Variants in UBE2H observed in about 807,000 individuals in gnomAD.
UBE2H encodes ubiquitin conjugating enzyme E2 H.
UBE2H carries 3 observed loss-of-function variants against 29.0 expected under a neutral mutation model. The ratio of observed to expected loss-of-function variants is 0.10; its 90% CI spans 0.05 to 0.27. The LOEUF is 0.27. Among genes scored for constraint, UBE2H ranks in the 10% least tolerant of loss-of-function variants. UBE2H has a pLI of 1.00. For missense variants in UBE2H, 68 were observed against 228.2 expected (o/e 0.30, Z 4.52); for synonymous variants, 69 against 82.9 (o/e 0.83, Z 0.91).
rs961276780 is a variant in UBE2H at position 129,887,423 on chromosome 7, T to C, written c.54-6452A>G. Among the ~76,000 whole-genome samples the C allele has an allele frequency of 8.6e-5, 13 of 151,964 alleles. No individual in the cohort carries two copies. The East Asian group carries it at 2.5e-3, about 30-fold the overall frequency. Reference sequence around the variant, plus strand: ...TTTTAGTAGAGACGGGGTTTCACCATGTTGGTCAAGCTGGTCTTGAATTCC... The same window carrying C: ...TTTTAGTAGAGACGGGGTTTCACCACGTTGGTCAAGCTGGTCTTGAATTCC... On this transcript the variant is annotated intron_variant, in intron 1 of 6. Coordinates refer to ENST00000355621, the MANE Select transcript of UBE2H (RefSeq NM_003344.4).
intron 1 of UBE2H, among the ~76,000 whole-genome samples, chr7:129,904,727 G>A (rs1056274314): frequency 2.6e-5 from 4 of 152,164 alleles, no homozygotes; most frequent in Non-Finnish European, 5.9e-5. Flanking sequence ...CAGGCACTAC[G>A]CTAGACAGTA....
At chr7:129,905,516 T>C (rs551821462) in intron 1 of UBE2H, among the ~76,000 whole-genome samples, 1 of 152,324 alleles carries the variant, frequency 6.6e-6, no homozygotes, top group East Asian at 1.9e-4. Flanking sequence ...GTTCATCTGA[T>C]GCCATGGAAG....
chr7:129,935,807 T>C (rs1363077267), intron 1 of UBE2H, among the ~76,000 whole-genome samples: 1 of 152,176 alleles, frequency 6.6e-6, no homozygotes, highest in African/African-American at 2.4e-5. Context: ...AGTAGTATCC[T>C]CTCAACTTTC....
At chr7:129,920,084 G>T (rs1807125867) in intron 1 of UBE2H, among the ~76,000 whole-genome samples, 1 of 152,096 alleles carries the variant, frequency 6.6e-6, no homozygotes, top group South Asian at 2.1e-4. Flanking sequence ...GTCAAATATT[G>T]TCCTGATCAG....
At chr7:129,886,778 A>ATTTTTTTGGT (rs1342848864) in intron 1 of UBE2H, among the ~76,000 whole-genome samples, 1 of 150,202 alleles carries the variant, frequency 6.7e-6, no homozygotes, top group Non-Finnish European at 1.5e-5. Context: ...AAAAAAAAAA[A>ATTTTTTTGGT]AAAAAAAAAA....
intron 1 of UBE2H, among the ~76,000 whole-genome samples, chr7:129,889,175 C>A (rs1229180469): frequency 6.6e-6 from 1 of 152,184 alleles, no homozygotes; most frequent in African/African-American, 2.4e-5. Context: ...AACAGTATTC[C>A]ATGCACAGTG....
At chr7:129,937,314 G>C (rs1365754756) in intron 1 of UBE2H, among the ~76,000 whole-genome samples, 2 of 152,102 alleles carry the variant, frequency 1.3e-5, no homozygotes, top group Admixed American at 6.6e-5. Flanking sequence ...GGGCAACAGA[G>C]TGAGACTCCA....
chr7:129,931,081 G>A (rs1807384509), intron 1 of UBE2H, among the ~76,000 whole-genome samples: 1 of 151,906 alleles, frequency 6.6e-6, no homozygotes, highest in South Asian at 2.1e-4. Flanking sequence ...AGCTGGGCGT[G>A]GTGGTGCATG....
intron 6 of UBE2H, among the ~76,000 whole-genome samples, chr7:129,835,707 G>C (rs1805312537): frequency 6.6e-6 from 1 of 152,132 alleles, no homozygotes; most frequent in Non-Finnish European, 1.5e-5. Flanking sequence ...TAAGACTGCT[G>C]AAACGGCTTT....
chr7:129,901,147 C>T (rs1806706206), intron 1 of UBE2H, among the ~76,000 whole-genome samples: 1 of 152,178 alleles, frequency 6.6e-6, no homozygotes, highest in Admixed American at 6.5e-5. Flanking sequence ...TAATTTGTTC[C>T]TCACCTCAGA....
intron 1 of UBE2H, among the ~76,000 whole-genome samples, chr7:129,931,492 G>T (rs1807399109): frequency 6.6e-6 from 1 of 151,714 alleles, no homozygotes. Context: ...TAAATCTTAT[G>T]CATATAAATA....
intron 1 of UBE2H, among the ~76,000 whole-genome samples, chr7:129,930,389 G>A (rs893266096): frequency 2.0e-5 from 3 of 152,078 alleles, no homozygotes; most frequent in Admixed American, 1.3e-4. Flanking sequence ...TCAAACTCCC[G>A]ACGACCTCAG....
At chr7:129,898,119 G>T (rs531275617) in intron 1 of UBE2H, among the ~76,000 whole-genome samples, 1 of 152,282 alleles carries the variant, frequency 6.6e-6, no homozygotes, top group South Asian at 2.1e-4. Flanking sequence ...ACACCAATAT[G>T]AGTAAATAAG....
At chr7:129,949,747 T>C (rs867915672) in intron 1 of UBE2H, among the ~76,000 whole-genome samples, 1 of 152,100 alleles carries the variant, frequency 6.6e-6, no homozygotes, top group South Asian at 2.1e-4. Context: ...TCCTCTTCTC[T>C]CCCTACCCCC....
chr7:129,843,077 C>T (rs1805455174), intron 5 of UBE2H, among the ~76,000 whole-genome samples: 1 of 147,298 alleles, frequency 6.8e-6, no homozygotes, highest in Non-Finnish European at 1.5e-5. Flanking sequence ...CCACTCACTG[C>T]AAGCTCCGCC....
chr7:129,913,775 G>A (rs1411781091), intron 1 of UBE2H, among the ~76,000 whole-genome samples: 1 of 152,026 alleles, frequency 6.6e-6, no homozygotes, highest in Non-Finnish European at 1.5e-5. Context: ...CTGTACTCCA[G>A]CCTGAGCAAG....
intron 3 of UBE2H, among the ~76,000 whole-genome samples, chr7:129,861,730 G>A (rs765407945): frequency 7.9e-5 from 12 of 151,970 alleles, no homozygotes; most frequent in Admixed American, 2.6e-4. Context: ...CATCTGTAAC[G>A]AAAATACAAA....
Position 129,952,862 on chromosome 7 carries a change from C to A in UBE2H, c.-307G>T, listed in dbSNP as rs987537991. On this transcript the variant is annotated 5_prime_UTR_variant, in exon 1 of 7. Coordinates refer to ENST00000355621, the MANE Select transcript of UBE2H (RefSeq NM_003344.4). ...GCTCCCTCCTGCCTGCTGTGGCTCGCTCGCCTGCTCCCCACTCACCCTCTG... is the reference window on the plus strand; with the variant it reads ...GCTCCCTCCTGCCTGCTGTGGCTCGATCGCCTGCTCCCCACTCACCCTCTG... 1.1e-4 allele frequency: 26 copies of A among 227,990 alleles called. 1 individual carries two copies. 14.1% of individuals were successfully genotyped at this position (227,990 alleles called of 1,614,324 possible).
chr7:129,866,555 G>T (rs1215955305), intron 3 of UBE2H, among the ~76,000 whole-genome samples: 2 of 152,120 alleles, frequency 1.3e-5, no homozygotes, highest in African/African-American at 4.8e-5. Flanking sequence ...CATTGGACTT[G>T]AACTCACAAG....
Sources: allele counts gnomAD v4.1 joint callset (sites outside exome capture counted in the v4.1 genomes callset), GRCh38; gene constraint gnomAD v4.1.1; transcripts MANE v1.5; gene names NCBI Gene and HGNC (gene_info 2026-07-23, HGNC 2026-07-21).